Variants in SIDT1 observed in about 807,000 individuals in gnomAD.
SIDT1 encodes the protein SID1 transmembrane family, member 1.
SIDT1 carries 101 observed loss-of-function variants against 107.5 expected under a neutral mutation model. The ratio of observed to expected loss-of-function variants is 0.94; its 90% confidence interval spans 0.80 to 1.11. The LOEUF is 1.11. Among genes scored for constraint, SIDT1 ranks in the 50% least tolerant of loss-of-function variants. The pLI, the probability that SIDT1 is intolerant of heterozygous loss-of-function variation, is 0.00. For synonymous variants in SIDT1, 395 were observed against 398.2 expected (o/e 0.99, Z 0.10); for missense variants, 1,076 against 1,058.2 (o/e 1.02, Z -0.23).
At chr3:113,535,811 T>C (rs16861130) in intron 1 of SIDT1, among the ~76,000 whole-genome samples, 20,562 of 152,194 alleles carry the variant, frequency 0.14, 1,947 homozygotes, top group African/African-American at 0.27. Context: ...AAGCCACTTA[T>C]TGTGGGAAAT....
intron 1 of SIDT1, among the ~76,000 whole-genome samples, chr3:113,551,565 T>G (rs1189830256): frequency 6.6e-6 from 1 of 152,208 alleles, no homozygotes; most frequent in Non-Finnish European, 1.5e-5. Context: ...ATTTTCACAG[T>G]CGTGTCTTTT....
intron 10 of SIDT1, among the ~76,000 whole-genome samples, chr3:113,599,389 C>G (rs7641877): frequency 0.024 from 3,709 of 152,298 alleles, 166 homozygotes; most frequent in African/African-American, 0.085. Flanking sequence ...AGTGGAGATG[C>G]AAATGAGCCT....
At chr3:113,605,824 C>T (rs548503841) in intron 14 of SIDT1, among the ~76,000 whole-genome samples, 4 of 151,846 alleles carry the variant, frequency 2.6e-5, no homozygotes, top group South Asian at 2.1e-4. Context: ...GGCAACATGG[C>T]GAAACCCTGA....
intron 1 of SIDT1, among the ~76,000 whole-genome samples, chr3:113,533,622 G>A (rs1049549406): frequency 6.6e-6 from 1 of 152,196 alleles, no homozygotes; most frequent in Non-Finnish European, 1.5e-5. Context: ...TCCCCTGCAG[G>A]GAAGAAACCT....
chr3:113,636,372 C>T, the SIDT1 span, among the ~76,000 whole-genome samples: 15 of 152,080 alleles, frequency 9.9e-5, no homozygotes, highest in African/African-American at 2.2e-4. Flanking sequence ...CACTGCACTA[C>T]AGCCTGGACA....
chr3:113,543,382 C>A (rs1285615996), intron 1 of SIDT1, among the ~76,000 whole-genome samples: 1 of 152,140 alleles, frequency 6.6e-6, no homozygotes, highest in Admixed American at 6.5e-5. Flanking sequence ...ATTGGCCCTG[C>A]AGTCTTCTCA....
chr3:113,559,675 G>A (rs534045629), intron 1 of SIDT1, among the ~76,000 whole-genome samples: 4 of 152,196 alleles, frequency 2.6e-5, no homozygotes, highest in Admixed American at 1.3e-4. Context: ...GAACTCCTGA[G>A]CTCAAGGGTT....
chr3:113,548,992 A>G (rs1939909003), intron 1 of SIDT1, among the ~76,000 whole-genome samples: 1 of 152,200 alleles, frequency 6.6e-6, no homozygotes, highest in East Asian at 1.9e-4. Context: ...AGAAGTTGAA[A>G]TCATACAACT....
At chr3:113,606,961 C>T in intron 14 of SIDT1, 80 bp from the exon 15 acceptor site, 1 of 874,868 alleles carries the variant, frequency 1.1e-6, no homozygotes, top group Non-Finnish European at 2.0e-6. Flanking sequence ...TCCGTGAGCC[C>T]TGTCTGCTCT....
In SIDT1 at chr3:113,581,447, G is replaced by A. The variant is rs1230070740; in HGVS notation, c.747+3G>A. 6 of 1,609,358 alleles carry A rather than the reference G, an allele frequency of 3.7e-6. No homozygotes were observed. Among genetic ancestry groups the A allele is most frequent in the Non-Finnish European group, 5.1e-6 (6 of 1,175,802 alleles). ...AGAAAGCTGCCATCACGCTACAGGT[G>A]AGGCATTGCTTCTGTGGGCATTATT... On this transcript the variant is annotated splice_donor_region_variant and intron_variant, in intron 6 of 24. Coordinates refer to ENST00000264852, the MANE Select transcript of SIDT1 (RefSeq NM_017699.3).
chr3:113,632,164 T>G (rs867592634), downstream of SIDT1, among the ~76,000 whole-genome samples: 48 of 152,258 alleles, frequency 3.2e-4, no homozygotes, highest in Middle Eastern at 0.017. Flanking sequence ...TAGTTACAAT[T>G]TAGAAATCAA....
intron 17 of SIDT1, 139 bp downstream of exon 17, chr3:113,608,675 A>C (rs1381894393): frequency 1.5e-6 from 1 of 678,786 alleles, no homozygotes; most frequent in African/African-American, 1.8e-5. Flanking sequence ...GGACCTCCAC[A>C]CAGAGCATGA....
chr3:113,600,801 G>A (rs1294165068), intron 10 of SIDT1, among the ~76,000 whole-genome samples: 1 of 152,208 alleles, frequency 6.6e-6, no homozygotes, highest in Non-Finnish European at 1.5e-5. Flanking sequence ...TTGATGACAT[G>A]TTACATACTT....
intron 1 of SIDT1, among the ~76,000 whole-genome samples, chr3:113,563,448 A>G (rs1941617341): frequency 6.6e-6 from 1 of 152,252 alleles, no homozygotes; most frequent in African/African-American, 2.4e-5. Flanking sequence ...CTCAAAATTC[A>G]GGAAAAAGAT....
chr3:113,606,954 G>C, intron 14 of SIDT1, 87 bp from the exon 15 acceptor site: 1 of 825,156 alleles, frequency 1.2e-6, no homozygotes, highest in Admixed American at 1.8e-5. Flanking sequence ...GTGCATCTCC[G>C]TGAGCCCTGT....
At chr3:113,601,439 T>G (rs1944951727) in intron 10 of SIDT1, 149 bp from the exon 11 acceptor site, 1 of 515,664 alleles carries the variant, frequency 1.9e-6, no homozygotes, top group African/African-American at 2.0e-5. Flanking sequence ...ATTTGGCAGA[T>G]GGGTCATAGT....
intron 11 of SIDT1, chr3:113,601,971 G>A (rs752884403): frequency 8.0e-5 from 19 of 236,704 alleles, no homozygotes; most frequent in Non-Finnish European, 1.5e-4. Context: ...CATGAAAGAT[G>A]TGTCCCAGGG....
intron 10 of SIDT1, among the ~76,000 whole-genome samples, chr3:113,595,259 GC>G (rs1944459043): frequency 6.6e-6 from 1 of 152,048 alleles, no homozygotes; most frequent in Non-Finnish European, 1.5e-5. Context: ...TCTAGGAGTT[GC>G]CCCTCCTTGG....
At chr3:113,589,064 G>A (rs1344633252) in intron 9 of SIDT1, among the ~76,000 whole-genome samples, 1 of 152,202 alleles carries the variant, frequency 6.6e-6, no homozygotes, top group Non-Finnish European at 1.5e-5. Flanking sequence ...GACAGCAGAA[G>A]AGTGCAAGGC....
Sources: gnomAD v4.1 joint callset for allele counts (sites outside exome capture counted in the v4.1 genomes callset) on GRCh38, gnomAD v4.1.1 for gene constraint, MANE v1.5 for transcripts, NCBI Gene and HGNC (gene_info 2026-07-23, HGNC 2026-07-21) for gene names.